Variants in DOCK4 observed in about 807,000 individuals in gnomAD.
DOCK4 encodes dedicator of cytokinesis protein 4.
A neutral mutation model predicts 268.1 loss-of-function variants in DOCK4; 97 were observed. That is an observed-to-expected ratio of 0.36 (90% confidence interval 0.31 to 0.43). The LOEUF (loss-of-function observed/expected upper bound fraction) is 0.43. Ranked by LOEUF, DOCK4 falls within the 20% of genes least tolerant of loss-of-function variation. The pLI is 1.00. For synonymous variants in DOCK4, 954 were observed against 887.2 expected (o/e 1.08, Z -1.34); for missense variants, 2,145 against 2,455.7 (o/e 0.87, Z 2.67).
intron 1 of DOCK4, among the ~76,000 whole-genome samples, chr7:112,008,936 T>C (rs1212010522): frequency 6.6e-6 from 1 of 152,204 alleles, no homozygotes; most frequent in Non-Finnish European, 1.5e-5. Flanking sequence ...GAGGTTGCAG[T>C]GAGCTGAGAT....
intron 13 of DOCK4, among the ~76,000 whole-genome samples, chr7:111,909,410 ATTAT>A (rs1478007123): frequency 6.6e-6 from 1 of 152,214 alleles, no homozygotes; most frequent in East Asian, 1.9e-4. Flanking sequence ...TCTGTAAATC[ATTAT>A]TTAGTCAACT....
Position 111,933,453 on chromosome 7 carries a change from C to T in DOCK4, c.1066+2087G>A, listed in dbSNP as rs573831248. ...GGGATTACAGGCACGCGCCACCAGG[C>T]CCAGCTAATTTTTTGTATTTTTAGT... On this transcript the variant is annotated intron_variant, in intron 12 of 52. Coordinates refer to ENST00000428084, the MANE Select transcript of DOCK4 (RefSeq NM_001363540.2). Among the ~76,000 whole-genome samples, 131 of 151,438 alleles carry T rather than the reference C, an allele frequency of 8.7e-4. 1 individual carries two copies. The highest frequency in any genetic ancestry group is 3.1e-3 in the African/African-American group (126 of 41,268).
intron 1 of DOCK4, among the ~76,000 whole-genome samples, chr7:112,012,870 T>C (rs1321335016): frequency 6.6e-6 from 1 of 152,100 alleles, no homozygotes; most frequent in Non-Finnish European, 1.5e-5. Context: ...TACTAAATAC[T>C]CAAAGTCACA....
intron 1 of DOCK4, among the ~76,000 whole-genome samples, chr7:112,154,867 T>G (rs552299477): frequency 3.3e-5 from 5 of 152,270 alleles, no homozygotes; most frequent in Non-Finnish European, 7.4e-5. Context: ...GGAGCATTCT[T>G]CAGGAGCTCT....
rs201503444 is a variant in DOCK4, at chr7:112,154,074, C to T, written c.37+52028G>A. 2.6e-5 allele frequency among the ~76,000 whole-genome samples: 4 copies of T among 152,190 alleles called. No individual in the cohort carries two copies. In the East Asian group the frequency reaches 5.8e-4, roughly 22 times the overall value. ...GCAACCTTGACCTCCCAGACTCAAG[C>T]GATCCTCCCACTTTAGTCTCCCTAG... is the stretch of plus-strand genomic sequence containing the variant. On this transcript the variant is annotated intron_variant, in intron 1 of 52. Coordinates refer to ENST00000428084, the MANE Select transcript of DOCK4 (RefSeq NM_001363540.2).
chr7:111,749,712 C>A (rs1439777015), intron 42 of DOCK4, among the ~76,000 whole-genome samples: 2 of 152,088 alleles, frequency 1.3e-5, no homozygotes, highest in Non-Finnish European at 2.9e-5. Flanking sequence ...GTATAGAGTT[C>A]ATCAATATAT....
intron 26 of DOCK4, among the ~76,000 whole-genome samples, chr7:111,831,989 G>T (rs1272536778): frequency 6.6e-6 from 1 of 152,094 alleles, no homozygotes; most frequent in Non-Finnish European, 1.5e-5. Context: ...GAATGGTCTG[G>T]AATCTAAGGA....
intron 1 of DOCK4, among the ~76,000 whole-genome samples, chr7:112,037,904 T>C (rs1248561796): frequency 6.6e-6 from 1 of 152,184 alleles, no homozygotes; most frequent in African/African-American, 2.4e-5. Flanking sequence ...ATAAACCTTA[T>C]AGTTTTAGTA....
chr7:111,899,710 G>GA (rs1790971490), intron 15 of DOCK4, among the ~76,000 whole-genome samples: 1 of 152,134 alleles, frequency 6.6e-6, no homozygotes, highest in Non-Finnish European at 1.5e-5. Flanking sequence ...ATCACCTGAG[G>GA]TCAGGAGTTC....
chr7:112,082,644 G>A (rs1182514701), intron 1 of DOCK4, among the ~76,000 whole-genome samples: 1 of 152,088 alleles, frequency 6.6e-6, no homozygotes, highest in Admixed American at 6.6e-5. Context: ...AGATGTAGAG[G>A]TATTTATGGA....
chr7:112,018,180 A>C (rs1334163916), intron 1 of DOCK4, among the ~76,000 whole-genome samples: 3 of 103,250 alleles, frequency 2.9e-5, no homozygotes, highest in Admixed American at 1.0e-4. Flanking sequence ...AAAAAAAAAA[A>C]CACAGGCAAC....
intron 1 of DOCK4, among the ~76,000 whole-genome samples, chr7:112,118,153 G>T (rs200347507): frequency 6.7e-6 from 1 of 148,940 alleles, no homozygotes; most frequent in Non-Finnish European, 1.5e-5. Context: ...TATATATTTT[G>T]TCTCCTATAT....
rs371464726 is a variant in DOCK4 at position 111,760,303 on chromosome 7, C to T, written c.4040G>A (p.Arg1347Gln). Residue 1347 changes from arginine to glutamine, a missense_variant, in exon 40 of 53, where the codon CGA (arginine) becomes CAA (glutamine). This residue lies in a region of DOCK4 where 1,598 missense variants were observed against 1,986.7 expected (regional missense o/e 0.80). Transcript: ENST00000428084. The stretch of plus-strand genomic sequence containing the variant: ...TTCCAGCCTCTCGTAGTCATGCCCT[C>T]GACACACAAACTCCTTATTCTGGAG... Reference protein sequence around the residue: ...FFLRNKEFVCRGHDYERLEAF... With the variant: ...FFLRNKEFVCQGHDYERLEAF... 3.7e-6 allele frequency: 6 copies of T among 1,613,422 alleles called. No individual in the cohort carries two copies. Among genetic ancestry groups the T allele is most frequent in the African/African-American group, 1.3e-5 (1 of 74,854 alleles).
Position 112,007,794 on chromosome 7 carries a change from T to A in DOCK4, c.38-3663A>T, listed in dbSNP as rs530453137. Among the ~76,000 whole-genome samples, 5 of 152,210 alleles carry A rather than the reference T, an allele frequency of 3.3e-5. No individual in the cohort carries two copies. In the South Asian group the frequency reaches 1.0e-3, roughly 32 times the overall value. On this transcript the variant is annotated intron_variant, in intron 1 of 52. Transcript: ENST00000428084. ...AATGAAGCTTCAATATGCAATTCTGTCAAATGCACTTAAAGTATCTGTTAT... is the reference window on the plus strand; with the variant it reads ...AATGAAGCTTCAATATGCAATTCTGACAAATGCACTTAAAGTATCTGTTAT...
intron 16 of DOCK4, among the ~76,000 whole-genome samples, chr7:111,880,156 A>G (rs1344401467): frequency 6.6e-6 from 1 of 152,204 alleles, no homozygotes; most frequent in Non-Finnish European, 1.5e-5. Context: ...CGAAAGGTCA[A>G]GGATGAAGAA....
At chr7:112,128,920 A>T (rs74544031) in intron 1 of DOCK4, among the ~76,000 whole-genome samples, 2,092 of 151,656 alleles carry the variant, frequency 0.014, 53 homozygotes, top group African/African-American at 0.047. Flanking sequence ...ATAAAAAATT[A>T]AAAAAAACTG....
chr7:111,822,513 T>C, intron 26 of DOCK4, 57 bp from the exon 27 acceptor site: 1 of 1,372,696 alleles, frequency 7.3e-7, no homozygotes, highest in Non-Finnish European at 1.0e-6. Flanking sequence ...TCAACATACA[T>C]ACGCACATAC....
At position 111,940,279 on chromosome 7, in the gene DOCK4, C is replaced by T. The variant is rs745435107; in HGVS notation, c.845-37G>A. The stretch of plus-strand genomic sequence containing the variant: ...AAGAGCAATCATTAACCCATGGAGC[C>T]ATTTGATTAGATGCATCTTAGGTAG... On this transcript the variant is annotated intron_variant, in intron 10 of 52. Transcript: ENST00000428084. 4 of 1,613,246 alleles carry T rather than the reference C, an allele frequency of 2.5e-6. No homozygotes were observed. In the South Asian group the frequency reaches 4.4e-5, roughly 18 times the overall value.
At chr7:112,066,484 CTT>C (rs1191592906) in intron 1 of DOCK4, among the ~76,000 whole-genome samples, 1 of 139,064 alleles carries the variant, frequency 7.2e-6, no homozygotes, top group Non-Finnish European at 1.5e-5. Context: ...ATATAGCATG[CTT>C]TCTCTCTCTC....
Sources: allele counts gnomAD v4.1 joint callset (sites outside exome capture counted in the v4.1 genomes callset), GRCh38; gene constraint gnomAD v4.1.1; regional missense constraint gnomAD v4.1.1; transcripts MANE v1.5; gene names NCBI Gene and HGNC (gene_info 2026-07-23, HGNC 2026-07-21).